TTLL5: variants seen among roughly 807,000 people sequenced by gnomAD.
TTLL5 encodes the protein tubulin polyglutamylase TTLL5.
TTLL5 carries 132 observed loss-of-function variants against 168.4 expected under a neutral mutation model. That is an observed-to-expected ratio of 0.78 (90% CI 0.68 to 0.91). The LOEUF (loss-of-function observed/expected upper bound fraction) is 0.91, where lower values mean the gene tolerates loss of function less well. Ranked by LOEUF, TTLL5 falls within the 40% of genes least tolerant of loss-of-function variation. The pLI is 0.00. For missense variants in TTLL5, 1,545 were observed against 1,581.5 expected (o/e 0.98, Z 0.39); for synonymous variants, 546 against 558.6 (o/e 0.98, Z 0.32).
chr14:75,759,364 T>C (rs545011904), intron 18 of TTLL5, among the ~76,000 whole-genome samples: 98 of 152,226 alleles, frequency 6.4e-4, no homozygotes, highest in South Asian at 6.0e-3. Context: ...AAGCCCTGTA[T>C]CTGTTGAGAA....
At chr14:75,848,387 T>C (rs936317336) in intron 28 of TTLL5, among the ~76,000 whole-genome samples, 1 of 152,108 alleles carries the variant, frequency 6.6e-6, no homozygotes, top group African/African-American at 2.4e-5. Context: ...CTAAAAACTT[T>C]TCCTGGCTTG....
intron 7 of TTLL5, among the ~76,000 whole-genome samples, chr14:75,699,579 A>G (rs1004490126): frequency 6.6e-6 from 1 of 152,220 alleles, no homozygotes; most frequent in African/African-American, 2.4e-5. Flanking sequence ...ATTCCTACAC[A>G]CCAAGTATTA....
chr14:75,943,936 G>A (rs1224213129), intron 31 of TTLL5, among the ~76,000 whole-genome samples: 3 of 152,156 alleles, frequency 2.0e-5, no homozygotes, highest in Admixed American at 1.3e-4. Flanking sequence ...CCTACCTGCA[G>A]ATTTGACCCA....
At chr14:75,882,978 C>A in intron 30 of TTLL5, 76 bp downstream of exon 30, 1 of 1,465,684 alleles carries the variant, frequency 6.8e-7, no homozygotes, top group Non-Finnish European at 9.3e-7. Flanking sequence ...TATTACTCTT[C>A]AAGACCGTTC....
chr14:75,734,648 G>A (rs1888772572), intron 14 of TTLL5, among the ~76,000 whole-genome samples: 1 of 152,148 alleles, frequency 6.6e-6, no homozygotes, highest in Non-Finnish European at 1.5e-5. Flanking sequence ...CCCTGGATGG[G>A]AATCTGCTTC....
chr14:75,856,627 T>C (rs1006848844), intron 28 of TTLL5, among the ~76,000 whole-genome samples: 8 of 16,136 alleles, frequency 5.0e-4, no homozygotes, highest in Non-Finnish European at 7.4e-4. Context: ...TTGTATTGCT[T>C]TTTTTTTTTT....
chr14:75,680,922 C>T (rs1049294206), intron 3 of TTLL5, among the ~76,000 whole-genome samples: 2 of 152,126 alleles, frequency 1.3e-5, no homozygotes, highest in Non-Finnish European at 2.9e-5. Flanking sequence ...CCACCATGCC[C>T]AGCCTAGAGC....
intron 29 of TTLL5, among the ~76,000 whole-genome samples, chr14:75,876,201 A>G (rs1255059389): frequency 6.6e-6 from 1 of 152,238 alleles, no homozygotes; most frequent in Non-Finnish European, 1.5e-5. Flanking sequence ...CTGCAGCCCT[A>G]GTCTTAGCCA....
rs1380412441 is a variant in TTLL5 at position 75,661,371 on chromosome 14, A to T, written c.-112A>T. 1 of 152,370 alleles carries T rather than the reference A, an allele frequency of 6.6e-6. No homozygotes were observed. The allele number at this position is 152,370 out of a possible 1,614,324, so 9.4% of individuals were successfully genotyped here. A position where few individuals can be genotyped will look rare whatever the true frequency, so the allele number is the denominator to read the frequency against. ...GGTCCACGCCTGCTCGCCCCGAACC[A>T]TGGGAAGATGAGACAGGTAAACGCC... On this transcript the variant is annotated 5_prime_UTR_variant, in exon 1 of 32. It removes an upstream start codon present in the reference 5' UTR. Coordinates refer to ENST00000298832, the MANE Select transcript of TTLL5 (RefSeq NM_015072.5).
intron 28 of TTLL5, among the ~76,000 whole-genome samples, chr14:75,834,287 A>G (rs1895755028): frequency 6.6e-6 from 1 of 152,186 alleles, no homozygotes; most frequent in Non-Finnish European, 1.5e-5. Context: ...TTGTGGGAGC[A>G]TCACATTCAA....
Position 75,882,766 on chromosome 14 carries a change from A to G in TTLL5, c.3604A>G (p.Thr1202Ala). The G allele has an allele frequency of 1.2e-6, 2 of 1,613,978 alleles. No homozygotes were observed. The highest frequency in any genetic ancestry group is 8.5e-7 in the Non-Finnish European group (1 of 1,180,000). Reference protein sequence around the residue: ...NGAGCRISSATASGQKPTTLP... With the variant: ...NGAGCRISSAAASGQKPTTLP... ...TGCAGGTTGTAGAATTTCCAGTGCCACAGCTAGTGGCCAGAAGCCAACCAC... is the reference window on the plus strand; with the variant it reads ...TGCAGGTTGTAGAATTTCCAGTGCCGCAGCTAGTGGCCAGAAGCCAACCAC... The change falls in exon 30 of 32, where the codon ACA becomes GCA. Residue 1202 changes from threonine (T) to alanine (A), a missense_variant. Transcript: ENST00000298832.
At chr14:75,850,436 C>T (rs553835212) in intron 28 of TTLL5, among the ~76,000 whole-genome samples, 1 of 128,600 alleles carries the variant, frequency 7.8e-6, no homozygotes, top group East Asian at 2.2e-4. Flanking sequence ...AAATTGGTAA[C>T]TAAATGTGCA....
At chr14:75,890,207 G>A (rs1430251136) in intron 30 of TTLL5, among the ~76,000 whole-genome samples, 1 of 152,092 alleles carries the variant, frequency 6.6e-6, no homozygotes, top group Non-Finnish European at 1.5e-5. Flanking sequence ...TGAATAGGCC[G>A]CATATTTGTC....
At chr14:75,882,994 G>A in intron 30 of TTLL5, 92 bp downstream of exon 30, 1 of 1,331,096 alleles carries the variant, frequency 7.5e-7, no homozygotes, top group Non-Finnish European at 1.0e-6. Context: ...CGTTCGTACT[G>A]AAGTACTGGA....
At chr14:75,827,707 C>CTTTGTTTTTTTTTTTTT (rs1895280834) in intron 28 of TTLL5, among the ~76,000 whole-genome samples, 1 of 53,170 alleles carries the variant, frequency 1.9e-5, no homozygotes, top group Non-Finnish European at 3.1e-5. Context: ...TGGCTTGGTT[C>CTTTGTTTTTTTTTTTTT]TTTTTTTTTT....
chr14:75,803,618 G>A lies in TTLL5; in HGVS notation c.3171+10518G>A, dbSNP rs111702507. Among the ~76,000 whole-genome samples, 1,003 of 152,280 alleles carry A rather than the reference G, an allele frequency of 6.6e-3. 14 individuals are homozygous for A. The highest frequency in any genetic ancestry group is 0.023 in the African/African-American group (962 of 41,542). On this transcript the variant is annotated intron_variant, in intron 27 of 31. Transcript: ENST00000298832. Reference sequence around the variant, plus strand: ...TCCCTTGGCCCAAGAGAGGCTGGTTGTCTTTTGGAGATGAGATTTTTTGGA... The same window carrying A: ...TCCCTTGGCCCAAGAGAGGCTGGTTATCTTTTGGAGATGAGATTTTTTGGA...
intron 29 of TTLL5, among the ~76,000 whole-genome samples, chr14:75,868,276 C>T (rs1324054001): frequency 1.3e-5 from 2 of 152,124 alleles, no homozygotes; most frequent in African/African-American, 4.8e-5. Context: ...ACAGAATTGC[C>T]GAAGTTTCCT....
intron 6 of TTLL5, 73 bp downstream of exon 6, chr14:75,690,395 C>A: frequency 6.6e-7 from 1 of 1,516,056 alleles, no homozygotes. Context: ...AAAGCCTCCT[C>A]AAGGTGTCAA....
At chr14:75,865,781 C>T (rs2030468101) in intron 29 of TTLL5, among the ~76,000 whole-genome samples, 1 of 152,134 alleles carries the variant, frequency 6.6e-6, no homozygotes, top group South Asian at 2.1e-4. Context: ...GAGGATTATA[C>T]TGGTTTAGTT....
Sources: gnomAD v4.1 joint callset for allele counts (sites outside exome capture counted in the v4.1 genomes callset) on GRCh38, gnomAD v4.1.1 for gene constraint, MANE v1.5 for transcripts, NCBI Gene and HGNC (gene_info 2026-07-23, HGNC 2026-07-21) for gene names.